The following SESTD1 variants were observed in gnomAD, a reference collection of about 807,000 sequenced individuals.
SESTD1 encodes the protein SEC14 domain and spectrin repeat-containing protein 1.
Under a neutral mutation model 101.7 loss-of-function variants are expected in SESTD1, and 43 were observed. That is an observed-to-expected ratio of 0.42 (90% CI 0.33 to 0.55). The LOEUF is 0.55. SESTD1 is among the 20% of genes least tolerant of loss of function. The pLI is 0.07. For synonymous variants in SESTD1, 283 were observed against 286.8 expected (o/e 0.99, Z 0.13); for missense variants, 647 against 815.1 (o/e 0.79, Z 2.51).
At chr2:179,119,821 G>T (rs150155393) in intron 13 of SESTD1, among the ~76,000 whole-genome samples, 1 of 152,112 alleles carries the variant, frequency 6.6e-6, no homozygotes, top group Non-Finnish European at 1.5e-5. Context: ...CAAGTAAGAT[G>T]TGTCTGTTTC....
intron 5 of SESTD1, among the ~76,000 whole-genome samples, chr2:179,162,319 T>C (rs941524930): frequency 1.3e-5 from 2 of 152,308 alleles, no homozygotes; most frequent in South Asian, 4.1e-4. Flanking sequence ...ATAAATCCTC[T>C]GGAACAATTT....
chr2:179,163,535 G>A (rs2045779148), intron 5 of SESTD1, among the ~76,000 whole-genome samples: 1 of 149,126 alleles, frequency 6.7e-6, no homozygotes, highest in Non-Finnish European at 1.5e-5. Flanking sequence ...CAGCATAAAG[G>A]GAACAAGAAT....
At chr2:179,138,620 C>T (rs909614285) in intron 9 of SESTD1, among the ~76,000 whole-genome samples, 1 of 152,068 alleles carries the variant, frequency 6.6e-6, no homozygotes, top group Non-Finnish European at 1.5e-5. Flanking sequence ...CTGCAAAAAT[C>T]AAAACTATAC....
intron 15 of SESTD1, among the ~76,000 whole-genome samples, chr2:179,116,364 T>C (rs538910834): frequency 1.3e-5 from 2 of 152,206 alleles, no homozygotes; most frequent in Non-Finnish European, 2.9e-5. Context: ...GTTTCTTATT[T>C]ACTGATATTA....
intron 1 of SESTD1, among the ~76,000 whole-genome samples, chr2:179,222,865 C>A (rs1432268991): frequency 6.6e-6 from 1 of 152,146 alleles, no homozygotes; most frequent in Non-Finnish European, 1.5e-5. Flanking sequence ...GTGCTTCTCT[C>A]CACTATATTA....
At chr2:179,247,425 T>G (rs1303638844) in intron 1 of SESTD1, among the ~76,000 whole-genome samples, 1 of 152,106 alleles carries the variant, frequency 6.6e-6, no homozygotes, top group African/African-American at 2.4e-5. Flanking sequence ...TTTTTGTTTT[T>G]GTTTTTGTTT....
chr2:179,198,171 C>T (rs201445568), intron 1 of SESTD1, among the ~76,000 whole-genome samples: 8 of 152,062 alleles, frequency 5.3e-5, no homozygotes, highest in East Asian at 3.9e-4. Flanking sequence ...TAGTCTCTGA[C>T]AAAACAGACT....
Position 179,104,799 on chromosome 2 carries a change from T to C in SESTD1, c.*5100A>G, listed in dbSNP as rs2044344761. On this transcript the variant is annotated 3_prime_UTR_variant, in exon 18 of 18. Coordinates refer to ENST00000428443, the MANE Select transcript of SESTD1 (RefSeq NM_178123.5). ...GCCTCATAAAGTTCTCCAAAAAAAA[T>C]CTTTAAAAATGTGCCCACTGCTTTC... 6.6e-6 allele frequency: 1 copy of C among 152,198 alleles called. No individual in the cohort carries two copies. The allele number at this position is 152,198 out of a possible 1,614,324, so 9.4% of individuals were successfully genotyped here.
At chr2:179,219,058 G>A (rs2046766836) in intron 1 of SESTD1, among the ~76,000 whole-genome samples, 1 of 78,320 alleles carries the variant, frequency 1.3e-5, no homozygotes, top group South Asian at 5.2e-4. Context: ...TTTCCTTCCA[G>A]CTGTCTATCT....
At chr2:179,165,356 C>T (rs150222574) in intron 5 of SESTD1, among the ~76,000 whole-genome samples, 201 of 152,282 alleles carry the variant, frequency 1.3e-3, no homozygotes, top group African/African-American at 4.6e-3. Flanking sequence ...TATTTAATCA[C>T]TATTAATTTC....
intron 3 of SESTD1, among the ~76,000 whole-genome samples, chr2:179,182,077 C>T (rs927643391): frequency 3.3e-4 from 49 of 150,716 alleles, no homozygotes; most frequent in African/African-American, 1.1e-3. Flanking sequence ...TGTTTTAACC[C>T]CATACTCTGC....
intron 10 of SESTD1, among the ~76,000 whole-genome samples, chr2:179,126,312 T>TATTTTATTGAACCTCTCA (rs2044873643): frequency 6.6e-6 from 1 of 152,206 alleles, no homozygotes; most frequent in Non-Finnish European, 1.5e-5. Flanking sequence ...TCTCAGTCTT[T>TATTTTATTGAACCTCTCA]ATTTTATTGA....
At chr2:179,194,046 C>T (rs1013125649) in intron 1 of SESTD1, among the ~76,000 whole-genome samples, 4 of 152,230 alleles carry the variant, frequency 2.6e-5, no homozygotes, top group Admixed American at 6.5e-5. Context: ...TCTGGCCCCA[C>T]TGGCTCTTTT....
rs2046612725 is a variant in SESTD1, at chr2:179,208,211, G to A, written c.-25-16345C>T. On this transcript the variant is annotated intron_variant, in intron 1 of 17. Transcript: ENST00000428443. The stretch of plus-strand genomic sequence containing the variant: ...TTTTAAAAATGAACAAGCCTCAAAG[G>A]AATTTGAGATTATGTTAAAACAACC... 1.5e-5 allele frequency among the ~76,000 whole-genome samples: 2 copies of A among 134,484 alleles called. 1 individual carries two copies. Among genetic ancestry groups the A allele is most frequent in the Non-Finnish European group, 3.2e-5 (2 of 62,742 alleles). The allele number at this position is 134,484 out of a possible 152,430, so 88.2% of individuals were successfully genotyped here.
At position 179,116,538 on chromosome 2, in the gene SESTD1, T is replaced by A. The variant is rs925868917; in HGVS notation, c.1647+130A>T. The A allele has an allele frequency of 4.1e-6, 6 of 1,464,066 alleles. No individual in the cohort carries two copies. In the African/African-American group the frequency reaches 4.2e-5, roughly 10 times the overall value. The allele number at this position is 1,464,066 out of a possible 1,614,324, so 90.7% of individuals were successfully genotyped here. ...TTTTGATGCACCAGCTGACATTTTC[T>A]TAATTCTGTGACACTTCTGGAATAA... On this transcript the variant is annotated intron_variant, in intron 15 of 17. Transcript: ENST00000428443.
chr2:179,226,110 A>G (rs373252893), intron 1 of SESTD1, among the ~76,000 whole-genome samples: 2 of 152,236 alleles, frequency 1.3e-5, no homozygotes, highest in African/African-American at 4.8e-5. Flanking sequence ...TCAAAAATGT[A>G]TAAGAGGGAG....
chr2:179,190,159 G>T (rs1455800565), intron 2 of SESTD1, among the ~76,000 whole-genome samples: 1 of 151,960 alleles, frequency 6.6e-6, no homozygotes, highest in East Asian at 1.9e-4. Context: ...TACACTACAA[G>T]GCTGCAGTAA....
At chr2:179,259,140 A>G (rs1295045522) in intron 1 of SESTD1, among the ~76,000 whole-genome samples, 3 of 152,172 alleles carry the variant, frequency 2.0e-5, no homozygotes, top group Non-Finnish European at 4.4e-5. Flanking sequence ...TATCTATTAG[A>G]AAGGGAAATG....
chr2:179,117,866 T>C (rs1337455794), intron 13 of SESTD1, among the ~76,000 whole-genome samples: 2 of 152,170 alleles, frequency 1.3e-5, no homozygotes, highest in Non-Finnish European at 2.9e-5. Context: ...TGCAAAATAT[T>C]AAAGCAAAAT....
Sources: gnomAD v4.1 joint callset for allele counts (sites outside exome capture counted in the v4.1 genomes callset) on GRCh38, gnomAD v4.1.1 for gene constraint, MANE v1.5 for transcripts, NCBI Gene and HGNC (gene_info 2026-07-23, HGNC 2026-07-21) for gene names.